The following GALNT17 variants were observed in gnomAD, a reference collection of about 807,000 sequenced individuals.
The protein encoded by GALNT17 is UDP-GalNAc:polypeptide N-acetylgalactosaminyltransferase-like 3.
GALNT17 carries 29 observed loss-of-function variants against 63.7 expected under a neutral mutation model. The observed-to-expected ratio is 0.46, with a 90% CI of 0.34 to 0.62. The LOEUF is 0.62. GALNT17 is among the 20% of genes least tolerant of loss of function. The probability of loss-of-function intolerance (pLI) is 0.01; values close to 1 mark genes in which losing one functional copy is unlikely to be tolerated. For synonymous variants in GALNT17, 305 were observed against 318.3 expected, an observed-to-expected ratio of 0.96 and a Z score of 0.45; for missense variants, 603 against 799.6, an observed-to-expected ratio of 0.75 and a Z score of 2.97.
intron 1 of GALNT17, among the ~76,000 whole-genome samples, chr7:71,141,252 A>G (rs1787884325): frequency 6.6e-6 from 1 of 152,082 alleles, no homozygotes; most frequent in Non-Finnish European, 1.5e-5. Context: ...CTGTAATCCC[A>G]GCTACTCGGG....
chr7:71,262,483 A>G (rs1264117330), intron 1 of GALNT17, among the ~76,000 whole-genome samples: 3 of 152,106 alleles, frequency 2.0e-5, no homozygotes, highest in Admixed American at 6.5e-5. Flanking sequence ...CACAATTTCA[A>G]TTCTTGGGAA....
At chr7:71,508,387 T>C (rs1002842759) in intron 5 of GALNT17, among the ~76,000 whole-genome samples, 1 of 152,178 alleles carries the variant, frequency 6.6e-6, no homozygotes, top group Non-Finnish European at 1.5e-5. Context: ...CATGCAAAGA[T>C]TTGTGGTCTT....
In GALNT17 at chr7:71,712,193, C is replaced by T; in HGVS notation, c.*47C>T. On this transcript the variant is annotated 3_prime_UTR_variant, in exon 11 of 11. Transcript: ENST00000333538. ...GAGCCTGGCCCCCAGGACATGGCTG[C>T]TCCCCCCAACATCTGGACCAGCTGC... is the stretch of plus-strand genomic sequence containing the variant. 6.3e-7 allele frequency: 1 copy of T among 1,587,212 alleles called. No homozygotes were observed. The highest frequency in any genetic ancestry group is 8.6e-7 in the Non-Finnish European group (1 of 1,166,988).
chr7:71,358,544 C>G (rs965804199), intron 2 of GALNT17, among the ~76,000 whole-genome samples: 1 of 152,214 alleles, frequency 6.6e-6, no homozygotes, highest in Admixed American at 6.5e-5. Flanking sequence ...TTCCCACTTT[C>G]TGGTTCCACA....
At chr7:71,416,649 G>A (rs923407178) in intron 4 of GALNT17, among the ~76,000 whole-genome samples, 8 of 152,042 alleles carry the variant, frequency 5.3e-5, no homozygotes, top group African/African-American at 1.9e-4. Flanking sequence ...GTATCAATTA[G>A]ATAAAACTCA....
chr7:71,232,077 A>G (rs1224897492), intron 1 of GALNT17, among the ~76,000 whole-genome samples: 3 of 152,184 alleles, frequency 2.0e-5, no homozygotes, highest in Non-Finnish European at 2.9e-5. Flanking sequence ...GGAGAATTCT[A>G]GGATTGCTAC....
chr7:71,680,486 TCCTC>T (rs1791234600), intron 9 of GALNT17, among the ~76,000 whole-genome samples: 1 of 81,266 alleles, frequency 1.2e-5, no homozygotes, highest in Non-Finnish European at 2.9e-5. Flanking sequence ...CTCTCTCCCT[TCCTC>T]CCTCCCTCTC....
chr7:71,369,610 C>G (rs1315544335), intron 2 of GALNT17, among the ~76,000 whole-genome samples: 1 of 151,806 alleles, frequency 6.6e-6, no homozygotes, highest in Non-Finnish European at 1.5e-5. Context: ...TTCTAGAGTT[C>G]GAGACCAGCC....
rs182766920 is a variant in GALNT17 at position 71,587,422 on chromosome 7, T to A, written c.1080+16020T>A. 3.5e-3 allele frequency among the ~76,000 whole-genome samples: 530 copies of A among 152,294 alleles called. 8 individuals carry two copies. Among genetic ancestry groups the A allele is most frequent in the African/African-American group, 0.012 (505 of 41,566 alleles). ...CACCTTTTTTTGAGCTTATAGTTAA[T>A]TTGTGTATCTCCTTTTGCCCATTTT... On this transcript the variant is annotated intron_variant, in intron 6 of 10. Transcript: ENST00000333538.
At chr7:71,422,557 G>A (rs1786685380) in intron 5 of GALNT17, among the ~76,000 whole-genome samples, 1 of 152,230 alleles carries the variant, frequency 6.6e-6, no homozygotes, top group Non-Finnish European at 1.5e-5. Flanking sequence ...TGCTTCTTCA[G>A]TGCCCCACTG....
At chr7:71,441,662 G>A (rs942164752) in intron 5 of GALNT17, among the ~76,000 whole-genome samples, 3 of 151,990 alleles carry the variant, frequency 2.0e-5, no homozygotes, top group Non-Finnish European at 2.9e-5. Flanking sequence ...ACATGTCCCC[G>A]TGTGTGATGT....
intron 5 of GALNT17, among the ~76,000 whole-genome samples, chr7:71,429,906 C>T (rs1189519842): frequency 1.3e-5 from 2 of 152,166 alleles, no homozygotes; most frequent in African/African-American, 2.4e-5. Flanking sequence ...AAGGTTTTAT[C>T]ATGTTGGCAA....
chr7:71,616,411 C>A (rs1285400182), intron 6 of GALNT17, among the ~76,000 whole-genome samples: 2 of 150,734 alleles, frequency 1.3e-5, no homozygotes, highest in Non-Finnish European at 3.0e-5. Flanking sequence ...CTGTGTGCTT[C>A]TCTCCTGGAA....
intron 1 of GALNT17, among the ~76,000 whole-genome samples, chr7:71,277,750 A>C (rs1228708869): frequency 6.6e-6 from 1 of 152,084 alleles, no homozygotes; most frequent in Non-Finnish European, 1.5e-5. Context: ...AGGAGGGGAG[A>C]GAGTGTTTCC....
chr7:71,262,679 CTT>C (rs756742343), intron 1 of GALNT17, among the ~76,000 whole-genome samples: 12 of 124,628 alleles, frequency 9.6e-5, no homozygotes, highest in Non-Finnish European at 8.7e-5. Flanking sequence ...TTTTTACTTT[CTT>C]TTTTTTTTTT....
At chr7:71,492,453 T>C (rs917405562) in intron 5 of GALNT17, among the ~76,000 whole-genome samples, 1 of 152,166 alleles carries the variant, frequency 6.6e-6, no homozygotes, top group African/African-American at 2.4e-5. Context: ...CATCCTGTGC[T>C]AGAATGTGCC....
intron 4 of GALNT17, among the ~76,000 whole-genome samples, chr7:71,417,864 C>T (rs1375940484): frequency 6.6e-6 from 1 of 152,180 alleles, no homozygotes; most frequent in Middle Eastern, 3.2e-3. Context: ...CTCATCCTGT[C>T]AACCTCCACC....
chr7:71,329,931 G>C (rs28838901), intron 1 of GALNT17, among the ~76,000 whole-genome samples: 2 of 29,658 alleles, frequency 6.7e-5, no homozygotes, highest in South Asian at 1.1e-3. Flanking sequence ...GTGTGTGTGT[G>C]TATATATATA....
chr7:71,616,267 A>G (rs913725136), intron 6 of GALNT17, among the ~76,000 whole-genome samples: 1 of 151,918 alleles, frequency 6.6e-6, no homozygotes, highest in Non-Finnish European at 1.5e-5. Context: ...ACTTGAAGAC[A>G]AGTAAATTCC....
Sources: allele counts gnomAD v4.1 joint callset (sites outside exome capture counted in the v4.1 genomes callset), GRCh38; gene constraint gnomAD v4.1.1; transcripts MANE v1.5; gene names NCBI Gene and HGNC (gene_info 2026-07-23, HGNC 2026-07-21).